Variants in CNTLN observed in about 807,000 individuals in gnomAD.
CNTLN encodes centlein, also known as centlein, centrosomal protein.
Under a neutral mutation model 180.0 loss-of-function variants are expected in CNTLN, and 212 were observed. The observed-to-expected ratio is 1.18, with a 90% confidence interval of 1.05 to 1.32. The LOEUF (loss-of-function observed/expected upper bound fraction) is 1.32, where lower values mean the gene tolerates loss of function less well. CNTLN is among the 40% of genes most tolerant of loss of function. CNTLN has a pLI of 0.00. For missense variants in CNTLN, 2,095 were observed against 1,610.9 expected (o/e 1.30, Z -5.14); for synonymous variants, 722 against 563.1 (o/e 1.28, Z -3.99).
At chr9:17,221,323 A>G (rs377218318) in intron 2 of CNTLN, among the ~76,000 whole-genome samples, 1 of 152,074 alleles carries the variant, frequency 6.6e-6, no homozygotes, top group South Asian at 2.1e-4. Context: ...AGATATATCG[A>G]TAGGCAACGC....
intron 21 of CNTLN, 126 bp downstream of exon 21, chr9:17,464,749 A>C (rs1277012287): frequency 1.8e-6 from 1 of 552,506 alleles, no homozygotes; most frequent in Non-Finnish European, 3.0e-6. Context: ...TACTGTTACA[A>C]AGTAACACTC....
At chr9:17,219,141 T>G (rs906462555) in intron 2 of CNTLN, among the ~76,000 whole-genome samples, 10 of 152,176 alleles carry the variant, frequency 6.6e-5, no homozygotes, top group African/African-American at 2.4e-4. Context: ...CGGCAAATAT[T>G]CTTCGCTCAC....
At chr9:17,165,729 T>A (rs1820027064) in intron 2 of CNTLN, among the ~76,000 whole-genome samples, 1 of 152,194 alleles carries the variant, frequency 6.6e-6, no homozygotes, top group Admixed American at 6.5e-5. Flanking sequence ...ACTGGGGGAA[T>A]AAGTGAATGC....
At chr9:17,217,423 G>A (rs1823834577) in intron 2 of CNTLN, among the ~76,000 whole-genome samples, 1 of 152,194 alleles carries the variant, frequency 6.6e-6, no homozygotes. Context: ...CATGATAATT[G>A]TAGTCAAGCC....
At chr9:17,454,440 G>T (rs765095118) in intron 18 of CNTLN, among the ~76,000 whole-genome samples, 4 of 152,196 alleles carry the variant, frequency 2.6e-5, no homozygotes, top group Non-Finnish European at 4.4e-5. Flanking sequence ...TTCAATACCT[G>T]TGTAGTAGTG....
chr9:17,468,787 A>G (rs1831896990), intron 23 of CNTLN, among the ~76,000 whole-genome samples: 1 of 151,680 alleles, frequency 6.6e-6, no homozygotes, highest in Admixed American at 6.6e-5. Flanking sequence ...CTTTTTCTTT[A>G]TATCCAATGA....
At chr9:17,238,315 A>G (rs1469801671) in intron 5 of CNTLN, among the ~76,000 whole-genome samples, 1 of 152,142 alleles carries the variant, frequency 6.6e-6, no homozygotes, top group Admixed American at 6.5e-5. Context: ...TTCCCACCCT[A>G]AAGTCTTTAA....
intron 1 of CNTLN, among the ~76,000 whole-genome samples, chr9:17,140,533 C>T (rs865936493): frequency 2.0e-5 from 3 of 152,050 alleles, no homozygotes; most frequent in Non-Finnish European, 4.4e-5. Flanking sequence ...CTTGACCTCC[C>T]GGGCTCAGCA....
rs748912376 is a variant in CNTLN, at chr9:17,235,705, A to C, written c.582A>C (p.Lys194Asn). The change falls in exon 4 of 26, where the codon AAA becomes AAC. Residue 194 changes from lysine to asparagine, a missense_variant. Transcript: ENST00000380647. The part of the protein sequence containing the change: ...KQEINDLVKR[K>N]IAVDEENAFL... ...AAATAAATGACCTTGTAAAACGGAA[A>C]ATTGCAGTAGATGAAGAAAATGCTT... 2 of 1,608,796 alleles carry C rather than the reference A, an allele frequency of 1.2e-6. No individual in the cohort carries two copies. The highest frequency in any genetic ancestry group is 2.2e-5 in the South Asian group (2 of 89,966).
At position 17,385,837 on chromosome 9, in the gene CNTLN, A is replaced by G. The variant is rs560812682; in HGVS notation, c.1988-2325A>G. On this transcript the variant is annotated intron_variant, in intron 13 of 25. Coordinates refer to ENST00000380647, the MANE Select transcript of CNTLN (RefSeq NM_017738.4). ...TGCATAGGTTATTTGCAAATGCTAC[A>G]TCAGGGACTTGAGCATGGTTGGATT... Among the ~76,000 whole-genome samples, 7 of 152,328 alleles carry G rather than the reference A, an allele frequency of 4.6e-5. No individual in the cohort carries two copies. In the East Asian group the frequency reaches 1.4e-3, roughly 29 times the overall value.
At chr9:17,523,585 A>T in the CNTLN span, among the ~76,000 whole-genome samples, 1 of 152,210 alleles carries the variant, frequency 6.6e-6, no homozygotes, top group Admixed American at 6.5e-5. Flanking sequence ...AAATATAGAT[A>T]TAATTCTACC....
chr9:17,304,930 C>T (rs1329862716), intron 7 of CNTLN, among the ~76,000 whole-genome samples: 3 of 151,596 alleles, frequency 2.0e-5, no homozygotes, highest in African/African-American at 7.3e-5. Context: ...TCACTTGGGT[C>T]CTGGAAACAA....
intron 6 of CNTLN, among the ~76,000 whole-genome samples, chr9:17,292,822 C>T (rs1467881260): frequency 6.7e-6 from 1 of 149,534 alleles, no homozygotes; most frequent in African/African-American, 2.5e-5. Flanking sequence ...ATCTCCACCT[C>T]CGCCCAGTTC....
chr9:17,305,856 G>T (rs1053239133), intron 7 of CNTLN, among the ~76,000 whole-genome samples: 2 of 152,096 alleles, frequency 1.3e-5, no homozygotes, highest in African/African-American at 4.8e-5. Context: ...AAAGAAAACA[G>T]GCAAGTAGGA....
At chr9:17,149,937 C>T (rs896255119) in intron 2 of CNTLN, among the ~76,000 whole-genome samples, 10 of 152,268 alleles carry the variant, frequency 6.6e-5, no homozygotes, top group Non-Finnish European at 1.5e-4. Flanking sequence ...TGTCTGTTGG[C>T]TGCATAAATG....
chr9:17,294,074 A>G (rs1466770220), intron 6 of CNTLN, among the ~76,000 whole-genome samples: 1 of 152,032 alleles, frequency 6.6e-6, no homozygotes, highest in Non-Finnish European at 1.5e-5. Flanking sequence ...ATGTGTTTAG[A>G]GTTTCTTCCT....
chr9:17,249,354 G>T (rs10962943), intron 5 of CNTLN, among the ~76,000 whole-genome samples: 31,700 of 97,332 alleles, frequency 0.33, 4,329 homozygotes, highest in South Asian at 0.51. Context: ...TGTTTTTTTT[G>T]TTTTTTTTTT....
At chr9:17,394,433 C>A in intron 14 of CNTLN, 101 bp from the exon 15 acceptor site, 1 of 942,068 alleles carries the variant, frequency 1.1e-6, no homozygotes, top group South Asian at 2.1e-5. Flanking sequence ...TTATTTTGTC[C>A]TTGTGCTAAA....
intron 5 of CNTLN, among the ~76,000 whole-genome samples, chr9:17,264,878 G>A (rs1264385576): frequency 1.3e-5 from 2 of 151,162 alleles, no homozygotes; most frequent in Admixed American, 6.6e-5. Flanking sequence ...TGTGATTTTT[G>A]TACATTGATT....
Sources: allele counts gnomAD v4.1 joint callset (sites outside exome capture counted in the v4.1 genomes callset), GRCh38; gene constraint gnomAD v4.1.1; transcripts MANE v1.5; gene names NCBI Gene and HGNC (gene_info 2026-07-23, HGNC 2026-07-21).